Variants in PLRG1 observed in about 807,000 individuals in gnomAD.
PLRG1 encodes pleiotropic regulator 1 (PRL1 homolog, Arabidopsis).
In PLRG1, 28 loss-of-function variants were observed where a neutral mutation model predicts 74.9. The ratio of observed to expected loss-of-function variants is 0.37; its 90% CI spans 0.28 to 0.51. The LOEUF (loss-of-function observed/expected upper bound fraction) is 0.51. Among genes scored for constraint, PLRG1 ranks in the 20% least tolerant of loss-of-function variants. The pLI, the probability that PLRG1 is intolerant of heterozygous loss-of-function variation, is 0.91. For missense variants in PLRG1, 445 were observed against 631.9 expected (o/e 0.70, Z 3.17); for synonymous variants, 197 against 212.4 (o/e 0.93, Z 0.63).
At chr4:154,544,402 G>T in intron 7 of PLRG1, 43 bp downstream of exon 7, 1 of 1,077,118 alleles carries the variant, frequency 9.3e-7, no homozygotes, top group Non-Finnish European at 1.4e-6. Flanking sequence ...CAACTACAAA[G>T]CAATCATGGT....
chr4:154,538,412 T>C (rs561291783), intron 12 of PLRG1, among the ~76,000 whole-genome samples: 4 of 152,044 alleles, frequency 2.6e-5, no homozygotes, highest in Admixed American at 2.6e-4. Context: ...TGAAGGGCAA[T>C]GTGTTATGCA....
rs1729451578 is a variant in PLRG1, at chr4:154,536,426, T to G, written c.*259A>C. 2 of 324,120 alleles carry G rather than the reference T, an allele frequency of 6.2e-6. No homozygotes were observed. The highest frequency in any genetic ancestry group is 1.3e-4 in the South Asian group (2 of 15,794). The allele number at this position is 324,120 out of a possible 1,614,324, so 20.1% of individuals were successfully genotyped here. A position where few individuals can be genotyped will look rare whatever the true frequency, so the allele number is the denominator to read the frequency against. On this transcript the variant is annotated 3_prime_UTR_variant, in exon 15 of 15. Transcript: ENST00000499023. ...GACTGTCAAAATATTACATCTAGAATAGTTATGTTCAATAAACCTGCATTT... is the reference window on the plus strand; with the variant it reads ...GACTGTCAAAATATTACATCTAGAAGAGTTATGTTCAATAAACCTGCATTT...
In PLRG1 at chr4:154,550,343, A is replaced by G. The variant is rs1729742501; in HGVS notation, c.-35T>C. 6.2e-7 allele frequency: 1 copy of G among 1,608,314 alleles called. No homozygotes were observed. The highest frequency in any genetic ancestry group is 8.5e-7 in the Non-Finnish European group (1 of 1,174,776). On this transcript the variant is annotated 5_prime_UTR_variant, in exon 1 of 15. Transcript: ENST00000499023. ...GTGTATCCCACCTCCGGCAGGGAAGAAACTCTAATCACTAACGCAGTACCC... is the reference window on the plus strand; with the variant it reads ...GTGTATCCCACCTCCGGCAGGGAAGGAACTCTAATCACTAACGCAGTACCC...
rs1274501498 is a variant in PLRG1 at position 154,549,800 on chromosome 4, G to A, written c.9+500C>T. 6.6e-6 allele frequency: 3 copies of A among 456,394 alleles called. No homozygotes were observed. In the Admixed American group the frequency reaches 7.1e-5, roughly 11 times the overall value. 28.3% of individuals were successfully genotyped at this position (456,394 alleles called of 1,614,324 possible). On this transcript the variant is annotated intron_variant, in intron 1 of 14. Transcript: ENST00000499023. ...GCAGCGGATATGGAGAAGAGTGAAT[G>A]GAATCAATAAACATGTGGGGTAAGA... is the stretch of plus-strand genomic sequence containing the variant.
intron 14 of PLRG1, 43 bp downstream of exon 14, chr4:154,537,243 G>T (rs1231655070): frequency 7.9e-7 from 1 of 1,263,910 alleles, no homozygotes; most frequent in Non-Finnish European, 1.1e-6. Context: ...CTGCCAAATT[G>T]GTATAGCTGT....
intron 7 of PLRG1, 83 bp from the exon 8 acceptor site, chr4:154,542,362 C>T (rs1729569866): frequency 3.9e-6 from 3 of 759,562 alleles, no homozygotes; most frequent in Admixed American, 2.0e-5. Flanking sequence ...GTTTGAATTG[C>T]CCTCCCATCT....
Position 154,535,853 on chromosome 4 carries a change from A to G in PLRG1, c.*832T>C, listed in dbSNP as rs145844378. 6.7e-6 allele frequency: 1 copy of G among 149,806 alleles called. No individual in the cohort carries two copies. Among genetic ancestry groups the G allele is most frequent in the African/African-American group, 2.5e-5 (1 of 40,566 alleles). The allele number at this position is 149,806 out of a possible 1,614,324, so 9.3% of individuals were successfully genotyped here. A position where few individuals can be genotyped will look rare whatever the true frequency, so the allele number is the denominator to read the frequency against. Reference sequence around the variant, plus strand: ...TCCTACTAGTTGAGGAATAAAATCCATACTTATATGAGCTTTCCCCAGAAC... The same window carrying G: ...TCCTACTAGTTGAGGAATAAAATCCGTACTTATATGAGCTTTCCCCAGAAC... On this transcript the variant is annotated 3_prime_UTR_variant, in exon 15 of 15. Transcript: ENST00000499023.
At chr4:154,547,657 T>C (rs1729682692) in intron 3 of PLRG1, 54 bp downstream of exon 3, 1 of 1,532,452 alleles carries the variant, frequency 6.5e-7, no homozygotes, top group Non-Finnish European at 9.0e-7. Context: ...ATTTTATTTT[T>C]CTGTTTTTAA....
Position 154,550,312 on chromosome 4 carries a change from G to A in PLRG1, c.-4C>T, listed in dbSNP as rs1729741390. On this transcript the variant is annotated 5_prime_UTR_variant, in exon 1 of 15. Transcript: ENST00000499023. ...AGTGTCACTTTACCTCGACCATGATGCTACCGTGTATCCCACCTCCGGCAG... is the reference window on the plus strand; with the variant it reads ...AGTGTCACTTTACCTCGACCATGATACTACCGTGTATCCCACCTCCGGCAG... 6.2e-7 allele frequency: 1 copy of A among 1,613,262 alleles called. No homozygotes were observed. Among genetic ancestry groups the A allele is most frequent in the Non-Finnish European group, 8.5e-7 (1 of 1,179,148 alleles).
At chr4:154,542,049 A>C (rs1307819376) in intron 8 of PLRG1, 138 bp downstream of exon 8, 3 of 621,914 alleles carry the variant, frequency 4.8e-6, no homozygotes, top group African/African-American at 1.8e-5. Context: ...ATTAGTATAA[A>C]TGATAAATTT....
chr4:154,550,169 G>T, intron 1 of PLRG1, 131 bp downstream of exon 1: 1 of 870,848 alleles, frequency 1.1e-6, no homozygotes, highest in Non-Finnish European at 1.9e-6. Context: ...AGACCACTCG[G>T]CCTTGGCCAA....
At chr4:154,546,060 A>C in intron 5 of PLRG1, 63 bp downstream of exon 5, 1 of 1,193,248 alleles carries the variant, frequency 8.4e-7, no homozygotes, top group Non-Finnish European at 1.2e-6. Flanking sequence ...AGAAATTTTA[A>C]AAAGAAAAAA....
At chr4:154,547,226 TG>T (rs1195193852) in intron 3 of PLRG1, among the ~76,000 whole-genome samples, 162 bp from the exon 4 acceptor site, 1 of 152,210 alleles carries the variant, frequency 6.6e-6, no homozygotes, top group Non-Finnish European at 1.5e-5. Context: ...ACTTTTGCTT[TG>T]ATCTCTGTAA....
chr4:154,540,865 T>C lies in PLRG1; in HGVS notation c.757A>G (p.Ile253Val). ...TGHISTVRGV[I>V]VSTRSPYLFS... ...AGATATGGGCTCCTTGTGCTTACTA[T>C]CACGCCCCGCACAGTACTAATATGC... Residue 253 changes from isoleucine to valine, a missense_variant, in exon 9 of 15, where the codon ATA becomes GTA. Ile to Val is a conservative substitution (Grantham distance 29). Coordinates refer to ENST00000499023, the MANE Select transcript of PLRG1 (RefSeq NM_002669.4). 1 of 1,613,552 alleles carries C rather than the reference T, an allele frequency of 6.2e-7. No homozygotes were observed. The highest frequency in any genetic ancestry group is 8.5e-7 in the Non-Finnish European group (1 of 1,179,486).
At position 154,550,368 on chromosome 4, in the gene PLRG1, C is replaced by G; in HGVS notation, c.-60G>C. 3 of 1,529,500 alleles carry G rather than the reference C, an allele frequency of 2.0e-6. No individual in the cohort carries two copies. In the South Asian group the frequency reaches 3.4e-5, roughly 17 times the overall value. The allele number at this position is 1,529,500 out of a possible 1,614,324, so 94.7% of individuals were successfully genotyped here. ...AAACTCTAATCACTAACGCAGTACC[C>G]GCCGCCACAGCTGTGCAGCACCTTC... On this transcript the variant is annotated 5_prime_UTR_variant, in exon 1 of 15. Transcript: ENST00000499023.
At chr4:154,550,105 C>T in intron 1 of PLRG1, among the ~76,000 whole-genome samples, 195 bp downstream of exon 1, 1 of 152,226 alleles carries the variant, frequency 6.6e-6, no homozygotes, top group South Asian at 2.1e-4. Flanking sequence ...CAGGCTGAAC[C>T]TCCGACTCGG....
chr4:154,545,160 GGAGGGTA>G (rs1173385056), intron 6 of PLRG1, among the ~76,000 whole-genome samples: 1 of 152,116 alleles, frequency 6.6e-6, no homozygotes, highest in Non-Finnish European at 1.5e-5. Context: ...ACCCTCATAA[GGAGGGTA>G]GAGAGCCTGG....
intron 11 of PLRG1, 41 bp downstream of exon 11, chr4:154,539,910 T>C: frequency 1.1e-6 from 1 of 927,326 alleles, no homozygotes; most frequent in Non-Finnish European, 1.8e-6. Context: ...ACATGGATTC[T>C]GACATGAATA....
At position 154,544,461 on chromosome 4, in the gene PLRG1, G is replaced by A. The variant is rs760558300; in HGVS notation, c.578C>T (p.Pro193Leu). The change falls in exon 7 of 15, where the codon CCG becomes CTG. Residue 193 changes from proline to leucine, a missense_variant. Coordinates refer to ENST00000499023, the MANE Select transcript of PLRG1 (RefSeq NM_002669.4). ...PTMPKPQWHP[P>L]WKLYRVISGH... ...GTCACTCACCCTGTAGAGTTTCCAC[G>A]GTGGGTGCCACTGGGGTTTTGGCAT... 9 of 1,600,064 alleles carry A rather than the reference G, an allele frequency of 5.6e-6. No individual in the cohort carries two copies. Among genetic ancestry groups the A allele is most frequent in the Admixed American group, 5.0e-5 (3 of 59,954 alleles).
Sources: allele counts gnomAD v4.1 joint callset (sites outside exome capture counted in the v4.1 genomes callset), GRCh38; gene constraint gnomAD v4.1.1; transcripts MANE v1.5; gene names NCBI Gene and HGNC (gene_info 2026-07-23, HGNC 2026-07-21).